Variants in SERPINB6 observed in about 807,000 individuals in gnomAD.
The protein encoded by SERPINB6 is serpin family B member 6.
A neutral mutation model predicts 26.1 loss-of-function variants in SERPINB6; 16 were observed. The observed-to-expected ratio is 0.61, with a 90% CI of 0.42 to 0.93. The LOEUF is 0.93. Ranked by LOEUF, SERPINB6 falls within the 40% of genes least tolerant of loss-of-function variation. The probability of loss-of-function intolerance (pLI) is 0.00; values close to 1 mark genes in which losing one functional copy is unlikely to be tolerated. For missense variants in SERPINB6, 420 were observed against 478.0 expected (o/e 0.88, Z 1.13); for synonymous variants, 174 against 176.6 (o/e 0.99, Z 0.11).
intron 1 of SERPINB6, among the ~76,000 whole-genome samples, chr6:2,965,711 G>C (rs1771562061): frequency 6.6e-6 from 1 of 152,082 alleles, no homozygotes; most frequent in Admixed American, 6.6e-5. Context: ...TAATATCACA[G>C]ATTTAATTAT....
At chr6:2,962,245 A>AT in intron 1 of SERPINB6, 1 of 982,608 alleles carries the variant, frequency 1.0e-6, no homozygotes, top group Non-Finnish European at 1.2e-6. Flanking sequence ...GTCGGTGCAC[A>AT]TGAGTTTCAC....
chr6:2,958,452 CG>C (rs1770730982), intron 2 of SERPINB6, among the ~76,000 whole-genome samples: 1 of 152,168 alleles, frequency 6.6e-6, no homozygotes, highest in Non-Finnish European at 1.5e-5. Flanking sequence ...AGGACACAGG[CG>C]GGGACGTGAT....
rs1302064205 is a variant in SERPINB6, at chr6:2,953,090, T to G, written c.527A>C (p.Gln176Pro). 5 of 1,614,270 alleles carry G rather than the reference T, an allele frequency of 3.1e-6. No homozygotes were observed. The highest frequency in any genetic ancestry group is 4.2e-6 in the Non-Finnish European group (5 of 1,180,052). Residue 176 changes from glutamine (Q) to proline (P), a missense_variant, in exon 5 of 7, where the codon CAG (glutamine) becomes CCG (proline). Physicochemically the swap from Gln to Pro is moderately conservative, Grantham distance 76. Coordinates refer to ENST00000380539, the MANE Select transcript of SERPINB6 (RefSeq NM_004568.6). ...CTCCTCGGTGTTCTCCTTGTCAAAC[T>G]GTTCATCCCAGTTTCCTCTGAAATA... ...AVYFRGNWDEQFDKENTEERL... is the reference protein window; with the variant it reads ...AVYFRGNWDEPFDKENTEERL...
chr6:2,964,693 A>G (rs1359744932), intron 1 of SERPINB6, among the ~76,000 whole-genome samples: 1 of 152,252 alleles, frequency 6.6e-6, no homozygotes, highest in East Asian at 1.9e-4. Context: ...AAAGACAACA[A>G]GCTCCTTCTC....
chr6:2,955,694 A>C, intron 2 of SERPINB6, 24 bp from the exon 3 acceptor site: 1 of 1,613,682 alleles, frequency 6.2e-7, no homozygotes, highest in Non-Finnish European at 8.5e-7. Context: ...CAGAATGAAA[A>C]CAAATCATTC....
intron 1 of SERPINB6, chr6:2,961,995 A>G (rs1182222444): frequency 2.0e-6 from 2 of 984,778 alleles, no homozygotes; most frequent in African/African-American, 3.5e-5. Context: ...CAAGGTGCTG[A>G]GATTACAGCC....
rs1390559188 is a variant in SERPINB6, at chr6:2,971,278, A to T, written c.-11+255T>A. Reference sequence around the variant, plus strand: ...CGCGTCGCCGTTCTCTGCCGCTGCGAGGCTCCGGAAGGGAACCCAAGCCGG... The same window carrying T: ...CGCGTCGCCGTTCTCTGCCGCTGCGTGGCTCCGGAAGGGAACCCAAGCCGG... On this transcript the variant is annotated intron_variant, in intron 1 of 6. Coordinates refer to ENST00000380539, the MANE Select transcript of SERPINB6 (RefSeq NM_004568.6). 4.1e-6 allele frequency: 3 copies of T among 726,560 alleles called. No homozygotes were observed. The East Asian group carries it at 3.9e-4, about 94-fold the overall frequency. The allele number at this position is 726,560 out of a possible 1,614,324, so 45.0% of individuals were successfully genotyped here.
Position 2,962,795 on chromosome 6 carries a change from C to A in SERPINB6, c.-10-3453G>T, listed in dbSNP as rs1424275100. ...TGTTAGTCATTAAATAACTGAATAT[C>A]CTACTCCTGATAAACACCCTTACGT... is the stretch of plus-strand genomic sequence containing the variant. On this transcript the variant is annotated intron_variant, in intron 1 of 6. Coordinates refer to ENST00000380539, the MANE Select transcript of SERPINB6 (RefSeq NM_004568.6). Among the ~76,000 whole-genome samples, 4 of 152,188 alleles carry A rather than the reference C, an allele frequency of 2.6e-5. No homozygotes were observed. The East Asian group carries it at 7.7e-4, about 29-fold the overall frequency.
At chr6:2,955,925 A>C in intron 2 of SERPINB6, 1 of 402,770 alleles carries the variant, frequency 2.5e-6, no homozygotes, top group African/African-American at 2.0e-5. Context: ...AAACACACAA[A>C]AATGAGCTGG....
chr6:2,955,929 G>T (rs1477873741), intron 2 of SERPINB6: 3 of 397,280 alleles, frequency 7.6e-6, no homozygotes, highest in Non-Finnish European at 1.4e-5. Flanking sequence ...ACACAAAAAT[G>T]AGCTGGGCCT....
chr6:2,952,794 G>T (rs1769956672), intron 5 of SERPINB6, among the ~76,000 whole-genome samples: 1 of 152,246 alleles, frequency 6.6e-6, no homozygotes, highest in South Asian at 2.1e-4. Context: ...GGAAATGTCC[G>T]CTAGAAGATG....
chr6:2,957,088 T>C (rs747985947), intron 2 of SERPINB6: 5 of 152,576 alleles, frequency 3.3e-5, no homozygotes, highest in African/African-American at 4.8e-5. Context: ...ACATGTGGAC[T>C]TGGCCTTGGA....
chr6:2,969,560 G>A (rs1158331722), intron 1 of SERPINB6: 1 of 984,216 alleles, frequency 1.0e-6, no homozygotes, highest in Non-Finnish European at 1.2e-6. Flanking sequence ...TTTTTTTCCT[G>A]TAGCATCACC....
In SERPINB6 at chr6:2,948,212, C is replaced by A; in HGVS notation, c.*86G>T. The A allele has an allele frequency of 6.6e-7, 1 of 1,521,752 alleles. No individual in the cohort carries two copies. The highest frequency in any genetic ancestry group is 2.2e-5 in the East Asian group (1 of 44,460). The allele number at this position is 1,521,752 out of a possible 1,614,324, so 94.3% of individuals were successfully genotyped here. A position where few individuals can be genotyped will look rare whatever the true frequency, so the allele number is the denominator to read the frequency against. ...TTATTTCTGAACTGCCACCACTGCA[C>A]GGATAAGGCCACTTGGGTTGCAGGC... is the stretch of plus-strand genomic sequence containing the variant. On this transcript the variant is annotated 3_prime_UTR_variant, in exon 7 of 7. Transcript: ENST00000380539. This position sits in a 1 kb window ranked among gnomAD's most constrained non-coding sequence, Gnocchi z 5.0.
In SERPINB6 at chr6:2,971,536, A is replaced by C. The variant is rs2113381473; in HGVS notation, c.-14T>G. The C allele has an allele frequency of 6.6e-6, 1 of 152,296 alleles. No homozygotes were observed. The highest frequency in any genetic ancestry group is 1.9e-4 in the East Asian group (1 of 5,168). 9.4% of individuals were successfully genotyped at this position (152,296 alleles called of 1,614,324 possible). ...GGCTCCCAAGCCAGACACGTACTCCAGAGCGGGGAGCGAGCGAGCAGAACG... is the reference window on the plus strand; with the variant it reads ...GGCTCCCAAGCCAGACACGTACTCCCGAGCGGGGAGCGAGCGAGCAGAACG... On this transcript the variant is annotated 5_prime_UTR_variant, in exon 1 of 7. Transcript: ENST00000380539.
Position 2,953,198 on chromosome 6 carries a change from A to C in SERPINB6, c.431-12T>G, listed in dbSNP as rs370453956. Reference sequence around the variant, plus strand: ...CTCCGCAATTTTACCTGAGCGGAAGAATTCAAGACCGCATTAGATAGGGGC... The same window carrying C: ...CTCCGCAATTTTACCTGAGCGGAAGCATTCAAGACCGCATTAGATAGGGGC... On this transcript the variant is annotated splice_polypyrimidine_tract_variant and intron_variant, in intron 4 of 6. Coordinates refer to ENST00000380539, the MANE Select transcript of SERPINB6 (RefSeq NM_004568.6). 2.8e-5 allele frequency: 46 copies of C among 1,614,204 alleles called. No individual in the cohort carries two copies. In the African/African-American group the frequency reaches 5.5e-4, roughly 19 times the overall value.
At chr6:2,951,055 A>G (rs1318299330) in intron 5 of SERPINB6, among the ~76,000 whole-genome samples, 2 of 152,216 alleles carry the variant, frequency 1.3e-5, no homozygotes, top group Non-Finnish European at 1.5e-5. Flanking sequence ...TCTCCGTCAC[A>G]ACGACTCAGC....
Position 2,953,150 on chromosome 6 carries a change from T to C in SERPINB6, c.467A>G (p.Asp156Gly), listed in dbSNP as rs762734632. 2.5e-6 allele frequency: 4 copies of C among 1,614,204 alleles called. No individual in the cohort carries two copies. The highest frequency in any genetic ancestry group is 3.4e-6 in the Non-Finnish European group (4 of 1,180,032). Residue 156 changes from aspartate to glycine, a missense_variant, in exon 5 of 7, where the codon GAT becomes GGT. Transcript: ENST00000380539. The part of the protein sequence containing the change: ...IAELLSPGSV[D>G]PLTRLVLVNA... ...CACCAGAACCAGCCTTGTCAATGGA[T>C]CCACTGAGCCCGGAGAGAGCAACTC...
chr6:2,968,520 C>T, intron 1 of SERPINB6: 2 of 1,148,448 alleles, frequency 1.7e-6, no homozygotes, highest in South Asian at 8.8e-5. Flanking sequence ...CTTATTCCCT[C>T]ATTTACACTT....
Sources: gnomAD v4.1 joint callset for allele counts (sites outside exome capture counted in the v4.1 genomes callset) on GRCh38, gnomAD v4.1.1 for gene constraint, Gnocchi (gnomAD v3.1) non-coding constraint, MANE v1.5 for transcripts, NCBI Gene and HGNC (gene_info 2026-07-23, HGNC 2026-07-21) for gene names.